The following CFAP299 variants were observed in gnomAD, a reference collection of about 807,000 sequenced individuals.
The protein encoded by CFAP299 is cilia- and flagella-associated protein 299.
Under a neutral mutation model 27.0 loss-of-function variants are expected in CFAP299, and 21 were observed. The ratio of observed to expected loss-of-function variants is 0.78; its 90% CI spans 0.55 to 1.12. The LOEUF (loss-of-function observed/expected upper bound fraction) is 1.12. Ranked by LOEUF, CFAP299 falls within the 50% of genes most tolerant of loss-of-function variation. The pLI, the probability that CFAP299 is intolerant of heterozygous loss-of-function variation, is 0.00. For missense variants in CFAP299, 310 were observed against 276.6 expected, an observed-to-expected ratio of 1.12 and a Z score of -0.86; for synonymous variants, 104 against 98.1, an observed-to-expected ratio of 1.06 and a Z score of -0.36.
rs139591623 is a variant in CFAP299 at position 80,525,656 on chromosome 4, C to T, written c.243-57437C>T. ...AATCTGGCCGTTTCCTCCCCGGTCT[C>T]GACCCTTGACTATCTCAGCGCCAGC... On this transcript the variant is annotated intron_variant, in intron 2 of 5. Transcript: ENST00000358105. Among the ~76,000 whole-genome samples the T allele has an allele frequency of 7.7e-4, 118 of 152,276 alleles. 1 individual carries two copies. The East Asian group carries it at 0.022, about 28-fold the overall frequency.
intron 2 of CFAP299, chr4:80,387,898 C>T (rs973976199): frequency 1.1e-5 from 10 of 951,996 alleles, no homozygotes; most frequent in Admixed American, 5.2e-5. Flanking sequence ...GGCCACGGTG[C>T]CCCCGGTGGC....
chr4:80,601,711 C>T (rs72863154), intron 3 of CFAP299, among the ~76,000 whole-genome samples: 11,845 of 152,100 alleles, frequency 0.078, 697 homozygotes, highest in East Asian at 0.26. Flanking sequence ...TTGCTTGATC[C>T]GGGTGAGATA....
At chr4:80,856,481 G>A (rs938556366) in intron 3 of CFAP299, among the ~76,000 whole-genome samples, 1 of 152,020 alleles carries the variant, frequency 6.6e-6, no homozygotes, top group Non-Finnish European at 1.5e-5. Flanking sequence ...CCTTGCCCAT[G>A]CCCATGTCCT....
intron 2 of CFAP299, among the ~76,000 whole-genome samples, chr4:80,508,750 G>T (rs1437572775): frequency 6.6e-6 from 1 of 152,034 alleles, no homozygotes; most frequent in Non-Finnish European, 1.5e-5. Flanking sequence ...CAGAGACCAG[G>T]TCCCACCATA....
At chr4:80,530,955 G>A (rs905358865) in intron 2 of CFAP299, among the ~76,000 whole-genome samples, 6 of 152,102 alleles carry the variant, frequency 3.9e-5, no homozygotes, top group East Asian at 1.9e-4. Context: ...GTAGGGCCTC[G>A]TATGTCAATA....
At chr4:80,668,086 T>C (rs1369794624) in intron 3 of CFAP299, among the ~76,000 whole-genome samples, 1 of 152,110 alleles carries the variant, frequency 6.6e-6, no homozygotes, top group East Asian at 1.9e-4. Flanking sequence ...TGTTGAGCTT[T>C]TTATCTGTTG....
At chr4:80,810,749 C>T (rs746779212) in intron 3 of CFAP299, among the ~76,000 whole-genome samples, 2 of 152,092 alleles carry the variant, frequency 1.3e-5, no homozygotes. Context: ...TTGTTCTAAA[C>T]CACACAGTTT....
At chr4:80,886,441 A>C (rs1733976239) in intron 4 of CFAP299, among the ~76,000 whole-genome samples, 1 of 152,176 alleles carries the variant, frequency 6.6e-6, no homozygotes, top group Admixed American at 6.5e-5. Context: ...TGTTTGAAAG[A>C]AAGTTAGGGA....
At chr4:80,867,086 T>C (rs1732788782) in intron 3 of CFAP299, among the ~76,000 whole-genome samples, 1 of 152,192 alleles carries the variant, frequency 6.6e-6, no homozygotes, top group African/African-American at 2.4e-5. Flanking sequence ...TGATCATGAA[T>C]TGTCTATATG....
chr4:80,804,496 A>G (rs1255201741), intron 3 of CFAP299, among the ~76,000 whole-genome samples: 1 of 152,146 alleles, frequency 6.6e-6, no homozygotes, highest in Non-Finnish European at 1.5e-5. Context: ...TTGCATGTTT[A>G]TACCACATTT....
chr4:80,427,535 T>C (rs1474642569), intron 2 of CFAP299, among the ~76,000 whole-genome samples: 1 of 152,198 alleles, frequency 6.6e-6, no homozygotes, highest in Non-Finnish European at 1.5e-5. Context: ...ATGACATGAA[T>C]AGTCCCAAAA....
intron 2 of CFAP299, among the ~76,000 whole-genome samples, chr4:80,384,691 G>A (rs1420189824): frequency 6.6e-6 from 1 of 152,098 alleles, no homozygotes; most frequent in Non-Finnish European, 1.5e-5. Context: ...CGAAAAATTA[G>A]TACATGAACC....
chr4:80,922,464 T>A (rs1209411892), intron 4 of CFAP299, among the ~76,000 whole-genome samples: 1 of 152,058 alleles, frequency 6.6e-6, no homozygotes, highest in African/African-American at 2.4e-5. Flanking sequence ...ACTCATTCTA[T>A]GTCAATTATT....
intron 2 of CFAP299, among the ~76,000 whole-genome samples, chr4:80,400,324 C>A (rs1226000219): frequency 6.6e-6 from 1 of 152,050 alleles, no homozygotes; most frequent in Non-Finnish European, 1.5e-5. Context: ...AAATTTTCTC[C>A]ATTTCACAAA....
intron 2 of CFAP299, among the ~76,000 whole-genome samples, chr4:80,390,656 C>T (rs13152481): frequency 3.0e-5 from 3 of 100,734 alleles, no homozygotes; most frequent in South Asian, 3.3e-4. Flanking sequence ...TATGTACACA[C>T]ATATGTATAT....
At chr4:80,453,894 C>A (rs1378468962) in intron 2 of CFAP299, among the ~76,000 whole-genome samples, 1 of 141,068 alleles carries the variant, frequency 7.1e-6, no homozygotes, top group East Asian at 2.1e-4. Flanking sequence ...AATAATCTTG[C>A]AAGCGTGATT....
intron 1 of CFAP299, among the ~76,000 whole-genome samples, chr4:80,347,795 T>C (rs6843035): frequency 0.074 from 11,307 of 152,160 alleles, 1,255 homozygotes; most frequent in African/African-American, 0.24. Flanking sequence ...AAAAAACATA[T>C]AGAACCAAAA....
intron 3 of CFAP299, among the ~76,000 whole-genome samples, chr4:80,673,623 T>A (rs563387911): frequency 3.3e-5 from 5 of 152,268 alleles, no homozygotes; most frequent in African/African-American, 1.2e-4. Context: ...GGTGTTAAAG[T>A]CTCCCATTAT....
intron 2 of CFAP299, among the ~76,000 whole-genome samples, chr4:80,378,267 C>G (rs1724520559): frequency 1.3e-5 from 2 of 152,082 alleles, no homozygotes; most frequent in Admixed American, 6.5e-5. Flanking sequence ...ATTGATTTTT[C>G]TCTGTTAACC....
Sources: gnomAD v4.1 joint callset for allele counts (sites outside exome capture counted in the v4.1 genomes callset) on GRCh38, gnomAD v4.1.1 for gene constraint, MANE v1.5 for transcripts, NCBI Gene and HGNC (gene_info 2026-07-23, HGNC 2026-07-21) for gene names.